The following TBX15 variants were observed in gnomAD, a reference collection of about 807,000 sequenced individuals.
The protein encoded by TBX15 is T-box transcription factor 15.
A neutral mutation model predicts 53.9 loss-of-function variants in TBX15; 18 were observed. The ratio of observed to expected loss-of-function variants is 0.33; its 90% CI spans 0.23 to 0.49. The LOEUF (loss-of-function observed/expected upper bound fraction) is 0.49. Among genes scored for constraint, TBX15 ranks in the 20% least tolerant of loss-of-function variants. TBX15 has a pLI of 0.98. For missense variants in TBX15, 692 were observed against 749.5 expected (o/e 0.92, Z 0.90); for synonymous variants, 295 against 278.0 (o/e 1.06, Z -0.61).
At chr1:118,964,905 C>T (rs536573247) in intron 1 of TBX15, among the ~76,000 whole-genome samples, 1 of 152,364 alleles carries the variant, frequency 6.6e-6, no homozygotes, top group African/African-American at 2.4e-5. Context: ...TTTCCTCTCA[C>T]CCCCAACTGC....
chr1:118,989,376 G>T (rs897956547), upstream of TBX15: 1 of 152,140 alleles, frequency 6.6e-6, no homozygotes, highest in African/African-American at 2.4e-5. Context: ...TTACGCCACC[G>T]GTCGAGGACG....
intron 1 of TBX15, among the ~76,000 whole-genome samples, chr1:118,979,130 TAAAAG>T (rs1657549886): frequency 6.6e-6 from 1 of 152,216 alleles, no homozygotes; most frequent in South Asian, 2.1e-4. Flanking sequence ...GCCGGGTTCT[TAAAAG>T]AACGCAGTTA....
chr1:118,899,050 G>A lies in TBX15; in HGVS notation c.1002C>T (p.Phe334=), dbSNP rs776040396. ...PPVRTLTFED[F]TTMQKQQGGS... ...TACCTTGCTGCTTCTGCATGGTGGTGAAGTCTTCGAAGGTGAGTGTGCGCA... is the reference window on the plus strand; with the variant it reads ...TACCTTGCTGCTTCTGCATGGTGGTAAAGTCTTCGAAGGTGAGTGTGCGCA... Residue 334 remains phenylalanine, a synonymous_variant, in exon 7 of 8, where the codon TTC becomes TTT. Transcript: ENST00000369429. 1 of 1,613,622 alleles carries A rather than the reference G, an allele frequency of 6.2e-7. No homozygotes were observed. Among genetic ancestry groups the A allele is most frequent in the Non-Finnish European group, 8.5e-7 (1 of 1,179,726 alleles).
At chr1:118,893,299 AAGGAAGGAAGGAAG>A (rs1557872340) in intron 7 of TBX15, among the ~76,000 whole-genome samples, 2 of 136,060 alleles carry the variant, frequency 1.5e-5, no homozygotes, top group Admixed American at 7.4e-5. Context: ...GGAAGGAAGG[AAGGAAGGAAGGAAG>A]GAAAGAAAGA....
intron 4 of TBX15, 148 bp downstream of exon 4, chr1:118,924,498 A>G (rs1249774633): frequency 1.0e-6 from 1 of 959,204 alleles, no homozygotes; most frequent in Non-Finnish European, 1.6e-6. Flanking sequence ...TAACTGGAAA[A>G]AAACACTTTT....
chr1:118,906,919 G>A (rs770443502), intron 6 of TBX15, among the ~76,000 whole-genome samples: 11 of 152,170 alleles, frequency 7.2e-5, no homozygotes, highest in Non-Finnish European at 1.5e-4. Flanking sequence ...TCTTCAGTGA[G>A]GGGCAATTCA....
At chr1:118,985,591 G>A (rs1657804432) in intron 1 of TBX15, among the ~76,000 whole-genome samples, 1 of 152,252 alleles carries the variant, frequency 6.6e-6, no homozygotes, top group South Asian at 2.1e-4. Context: ...GCTAGGCCCG[G>A]CCTGTAGCCC....
intron 2 of TBX15, among the ~76,000 whole-genome samples, chr1:118,928,258 A>G (rs1031746347): frequency 4.6e-5 from 7 of 152,230 alleles, no homozygotes; most frequent in African/African-American, 1.7e-4. Context: ...TAATTCTTAT[A>G]TGGTTACAAA....
chr1:118,962,273 A>C (rs1247281143), intron 1 of TBX15, among the ~76,000 whole-genome samples: 1 of 152,204 alleles, frequency 6.6e-6, no homozygotes, highest in Non-Finnish European at 1.5e-5. Context: ...TAAAAAATTG[A>C]CTATCGCTTT....
chr1:118,962,279 G>A (rs147277588), intron 1 of TBX15, among the ~76,000 whole-genome samples: 23 of 152,142 alleles, frequency 1.5e-4, no homozygotes, highest in African/African-American at 5.5e-4. Flanking sequence ...ATTGACTATC[G>A]CTTTTTTAGG....
intron 6 of TBX15, among the ~76,000 whole-genome samples, chr1:118,913,452 G>C (rs1359598595): frequency 6.6e-6 from 1 of 152,084 alleles, no homozygotes; most frequent in East Asian, 1.9e-4. Flanking sequence ...AAAGAATTTC[G>C]AGAAAAGAAA....
At chr1:118,988,407 G>T (rs1657918451), upstream of TBX15, 1 of 152,830 alleles carries the variant, frequency 6.5e-6, no homozygotes, top group Non-Finnish European at 1.5e-5. Context: ...GGGAACAAGA[G>T]AAACTCCGAG....
intron 3 of TBX15, 120 bp downstream of exon 3, chr1:118,926,390 G>T: frequency 1.1e-6 from 1 of 907,120 alleles, no homozygotes; most frequent in South Asian, 1.4e-5. Context: ...CATTGACATA[G>T]TCTCCATTCC....
At chr1:118,988,722 A>C (rs564929424), upstream of TBX15, among the ~76,000 whole-genome samples, 60 of 152,200 alleles carry the variant, frequency 3.9e-4, no homozygotes, top group Non-Finnish European at 3.1e-4. Flanking sequence ...ACCTGTCCAA[A>C]ATGCCAGAAA....
Position 118,914,304 on chromosome 1 carries a change from C to T in TBX15, c.862-125G>A, listed in dbSNP as rs1655116770. 4.2e-6 allele frequency: 4 copies of T among 949,066 alleles called. No homozygotes were observed. The Admixed American group carries it at 6.4e-5, about 15-fold the overall frequency. 58.8% of individuals were successfully genotyped at this position (949,066 alleles called of 1,614,324 possible). ...TTGCTTTTATTTAATTTCCTTTCAGCTCAAGATTTAATTTGAAGCTGGATA... is the reference window on the plus strand; with the variant it reads ...TTGCTTTTATTTAATTTCCTTTCAGTTCAAGATTTAATTTGAAGCTGGATA... On this transcript the variant is annotated intron_variant, in intron 5 of 7. Coordinates refer to ENST00000369429, the MANE Select transcript of TBX15 (RefSeq NM_001330677.2).
chr1:118,915,394 C>T (rs1186239965), intron 5 of TBX15, among the ~76,000 whole-genome samples: 1 of 152,178 alleles, frequency 6.6e-6, no homozygotes, highest in Non-Finnish European at 1.5e-5. Flanking sequence ...CTTTAAAGGT[C>T]TTTCAAAGCA....
chr1:118,896,438 T>G (rs372797329), intron 7 of TBX15, among the ~76,000 whole-genome samples: 57 of 152,218 alleles, frequency 3.7e-4, no homozygotes, highest in African/African-American at 1.2e-3. Context: ...CAAGGCAGGA[T>G]GAAAAAAGCA....
chr1:118,985,105 TTG>T (rs1171651567), intron 1 of TBX15, among the ~76,000 whole-genome samples: 17 of 151,564 alleles, frequency 1.1e-4, no homozygotes, highest in Middle Eastern at 3.5e-3. Flanking sequence ...GCGTGTGTGT[TTG>T]TGTGTGTGTG....
chr1:118,884,746 C>T lies in TBX15; in HGVS notation c.1795G>A (p.Val599Met), dbSNP rs922050997. 8.7e-6 allele frequency: 14 copies of T among 1,613,866 alleles called. No homozygotes were observed. The highest frequency in any genetic ancestry group is 1.1e-5 in the Non-Finnish European group (13 of 1,180,000). The part of the protein sequence containing the change: ...AVPGSSSQMS[V>M]HMV ...TGGACTGGCCTTTAAACCATGTGCA[C>T]GGACATCTGGGAGGAGGAGCCTGGA... is the stretch of plus-strand genomic sequence containing the variant. The change falls in exon 8 of 8, where the codon GTG (valine) becomes ATG (methionine). Residue 599 changes from valine (V) to methionine (M), a missense_variant. Transcript: ENST00000369429.
Sources: allele counts gnomAD v4.1 joint callset (sites outside exome capture counted in the v4.1 genomes callset), GRCh38; gene constraint gnomAD v4.1.1; transcripts MANE v1.5; gene names NCBI Gene and HGNC (gene_info 2026-07-23, HGNC 2026-07-21).